Variants in COL24A1 observed in about 807,000 individuals in gnomAD.
COL24A1 encodes the protein collagen alpha-1(XXIV) chain.
A neutral mutation model predicts 253.9 loss-of-function variants in COL24A1; 224 were observed. The observed-to-expected ratio is 0.88, with a 90% CI of 0.79 to 0.99. The LOEUF (loss-of-function observed/expected upper bound fraction) is 0.99. Among genes scored for constraint, COL24A1 ranks in the 50% least tolerant of loss-of-function variants. COL24A1 has a pLI of 0.00. For synonymous variants in COL24A1, 685 were observed against 673.7 expected, an observed-to-expected ratio of 1.02 and a Z score of -0.26; for missense variants, 2,131 against 2,068.5, an observed-to-expected ratio of 1.03 and a Z score of -0.59.
At chr1:85,928,119 C>T (rs1279653492) in intron 24 of COL24A1, among the ~76,000 whole-genome samples, 5 of 72,798 alleles carry the variant, frequency 6.9e-5, no homozygotes, top group East Asian at 4.8e-4. Flanking sequence ...AGGCTTCAGA[C>T]GATCAAATTA....
rs1052272947 is a variant in COL24A1 at position 86,089,585 on chromosome 1, C to T, written c.1654-358G>A. On this transcript the variant is annotated intron_variant, in intron 6 of 59. Transcript: ENST00000370571. ...CTGTAATCCTAGCACTTTGGGAGGC[C>T]GAGACAGGTGGACTGCTTGAGGCCA... 3.9e-5 allele frequency among the ~76,000 whole-genome samples: 6 copies of T among 152,214 alleles called. No homozygotes were observed. In the South Asian group the frequency reaches 8.3e-4, roughly 21 times the overall value.
At chr1:85,977,928 C>CACCACCTAGGCACACCTAGGCACACACCT (rs922844680) in intron 20 of COL24A1, among the ~76,000 whole-genome samples, 10 of 152,246 alleles carry the variant, frequency 6.6e-5, no homozygotes, top group Admixed American at 1.3e-4. Context: ...ACACAGTCAT[C>CACCACCTAGGCACACCTAGGCACACACCT]AGGTTCTCCA....
chr1:85,802,851 CTGTT>C (rs1417421653), intron 47 of COL24A1, among the ~76,000 whole-genome samples: 1 of 152,088 alleles, frequency 6.6e-6, no homozygotes, highest in African/African-American at 2.4e-5. Context: ...ATCTTTTTGT[CTGTT>C]TTTTTCCCCA....
At chr1:86,007,839 A>G (rs61783511) in intron 19 of COL24A1, among the ~76,000 whole-genome samples, 19,948 of 152,204 alleles carry the variant, frequency 0.13, 1,402 homozygotes, top group Middle Eastern at 0.24. Flanking sequence ...GCAGAGCACA[A>G]AGGATTTTTA....
rs56295145 is a variant in COL24A1 at position 85,948,611 on chromosome 1, C to T, written c.2562+12638G>A. ...TATTTACTTTTTGAGATTTGATGATCCTTAAGGAGAGCAATGTCATCATGT... is the reference window on the plus strand; with the variant it reads ...TATTTACTTTTTGAGATTTGATGATTCTTAAGGAGAGCAATGTCATCATGT... On this transcript the variant is annotated intron_variant, in intron 24 of 59. Coordinates refer to ENST00000370571, the MANE Select transcript of COL24A1 (RefSeq NM_152890.7). Among the ~76,000 whole-genome samples the T allele has an allele frequency of 5.4e-4, 81 of 150,196 alleles. 1 individual carries two copies. Among genetic ancestry groups the T allele is most frequent in the Admixed American group, 9.9e-4 (15 of 15,100 alleles).
chr1:85,761,921 T>A (rs1332284772), intron 53 of COL24A1, among the ~76,000 whole-genome samples: 1 of 152,178 alleles, frequency 6.6e-6, no homozygotes, highest in Non-Finnish European at 1.5e-5. Context: ...TTCGGTGTTC[T>A]TAGACACATT....
chr1:85,839,362 G>T (rs767914944), intron 42 of COL24A1, among the ~76,000 whole-genome samples: 6 of 152,104 alleles, frequency 3.9e-5, no homozygotes, highest in African/African-American at 9.7e-5. Flanking sequence ...AATTACAAAA[G>T]ATTATATTTA....
In COL24A1 at chr1:85,737,501, T is replaced by A. The variant is rs1664175841; in HGVS notation, c.4677A>T (p.Lys1559Asn). 1.3e-6 allele frequency: 2 copies of A among 1,599,652 alleles called. No homozygotes were observed. Among genetic ancestry groups the A allele is most frequent in the East Asian group, 4.5e-5 (2 of 44,346 alleles). The change falls in exon 58 of 60, where the codon AAA becomes AAT. Residue 1559 changes from lysine to asparagine, a missense_variant. Coordinates refer to ENST00000370571, the MANE Select transcript of COL24A1 (RefSeq NM_152890.7). Reference protein sequence around the residue: ...LNCEQKVSDGKYWIDPNLGCP... With the variant: ...LNCEQKVSDGNYWIDPNLGCP... ...AGCCAAGATTTGGGTCAATCCAGTA[T>A]TTTCCTAATAATTTATAGTAAAACA...
chr1:86,069,628 C>T (rs1363485086), intron 7 of COL24A1, among the ~76,000 whole-genome samples: 5 of 150,624 alleles, frequency 3.3e-5, no homozygotes, highest in African/African-American at 1.2e-4. Flanking sequence ...GCCTGTATCT[C>T]CACACCCACA....
chr1:85,949,571 G>T (rs778170629), intron 24 of COL24A1, among the ~76,000 whole-genome samples: 2 of 152,044 alleles, frequency 1.3e-5, no homozygotes, highest in Non-Finnish European at 2.9e-5. Context: ...TATAGTCCTT[G>T]AGTTTATGGA....
chr1:86,054,295 G>A (rs1365330461), intron 10 of COL24A1, among the ~76,000 whole-genome samples: 1 of 152,040 alleles, frequency 6.6e-6, no homozygotes, highest in African/African-American at 2.4e-5. Context: ...TTTGGCAATT[G>A]TAACCTAATT....
chr1:85,926,175 A>G (rs1373884165), intron 24 of COL24A1, among the ~76,000 whole-genome samples: 4 of 152,220 alleles, frequency 2.6e-5, no homozygotes, highest in African/African-American at 9.7e-5. Flanking sequence ...TCAGGAAACA[A>G]CAGATGCTGG....
chr1:85,760,608 A>G (rs1401442144), intron 55 of COL24A1, among the ~76,000 whole-genome samples: 2 of 152,158 alleles, frequency 1.3e-5, no homozygotes, highest in Non-Finnish European at 1.5e-5. Flanking sequence ...ACATCAGAGC[A>G]GCATGTGAAA....
At chr1:86,054,814 T>C (rs955891263) in intron 10 of COL24A1, among the ~76,000 whole-genome samples, 4 of 152,094 alleles carry the variant, frequency 2.6e-5, no homozygotes, top group Non-Finnish European at 5.9e-5. Context: ...GAAAAATAAA[T>C]AATTCTACCA....
intron 43 of COL24A1, among the ~76,000 whole-genome samples, chr1:85,835,185 T>A (rs1422203707): frequency 4.1e-5 from 6 of 146,576 alleles, no homozygotes; most frequent in African/African-American, 7.5e-5. Context: ...AGTGGCATGA[T>A]CTTGGCTCAC....
intron 19 of COL24A1, among the ~76,000 whole-genome samples, chr1:86,015,736 T>A (rs1305294414): frequency 6.6e-6 from 1 of 152,178 alleles, no homozygotes; most frequent in East Asian, 1.9e-4. Context: ...TAGGCTCATA[T>A]GGAGAAGCTT....
rs116004491 is a variant in COL24A1 at position 85,739,025 on chromosome 1, C to G, written c.4673-1520G>C. ...GGTCCAGGGATCACATTTGGAGAAC[C>G]ACTGATATATTGAAATACAGAAGAA... On this transcript the variant is annotated intron_variant, in intron 57 of 59. Transcript: ENST00000370571. 6.4e-3 allele frequency among the ~76,000 whole-genome samples: 970 copies of G among 152,218 alleles called. 10 individuals carry two copies. Among genetic ancestry groups the G allele is most frequent in the African/African-American group, 0.023 (943 of 41,526 alleles).
intron 47 of COL24A1, among the ~76,000 whole-genome samples, chr1:85,791,002 G>A (rs914609321): frequency 2.0e-5 from 3 of 152,082 alleles, no homozygotes; most frequent in African/African-American, 7.2e-5. Flanking sequence ...CACTTCATTT[G>A]TTAGCCCAAT....
At chr1:85,848,880 G>C (rs1677436971) in intron 38 of COL24A1, among the ~76,000 whole-genome samples, 1 of 152,012 alleles carries the variant, frequency 6.6e-6, no homozygotes, top group Admixed American at 6.5e-5. Context: ...AATATTTTTA[G>C]TAAAATATAA....
Sources: allele counts gnomAD v4.1 joint callset (sites outside exome capture counted in the v4.1 genomes callset), GRCh38; gene constraint gnomAD v4.1.1; transcripts MANE v1.5; gene names NCBI Gene and HGNC (gene_info 2026-07-23, HGNC 2026-07-21).